The following SGMS2 variants were observed in gnomAD, a reference collection of about 807,000 sequenced individuals.
SGMS2 encodes phosphatidylcholine:ceramide cholinephosphotransferase 2.
In SGMS2, 21 loss-of-function variants were observed where a neutral mutation model predicts 43.8. That is an observed-to-expected ratio of 0.48 (90% CI 0.34 to 0.69). The LOEUF (loss-of-function observed/expected upper bound fraction) is 0.69, where lower values mean the gene tolerates loss of function less well. Ranked by LOEUF, SGMS2 falls within the 30% of genes least tolerant of loss-of-function variation. SGMS2 has a pLI of 0.01. For missense variants in SGMS2, 384 were observed against 443.2 expected (o/e 0.87, Z 1.20); for synonymous variants, 167 against 160.6 (o/e 1.04, Z -0.30).
intron 1 of SGMS2, among the ~76,000 whole-genome samples, chr4:107,847,567 T>C (rs1726903722): frequency 6.6e-6 from 1 of 152,144 alleles, no homozygotes; most frequent in African/African-American, 2.4e-5. Flanking sequence ...AGCTTTGTTC[T>C]TTTGGCTTAG....
At chr4:107,850,233 G>A (rs2126013396) in intron 1 of SGMS2, among the ~76,000 whole-genome samples, 1 of 152,248 alleles carries the variant, frequency 6.6e-6, no homozygotes. Context: ...GCAGATGCCA[G>A]CATCATGCTT....
chr4:107,838,026 T>C (rs1441915664), intron 1 of SGMS2, among the ~76,000 whole-genome samples: 1 of 151,680 alleles, frequency 6.6e-6, no homozygotes, highest in East Asian at 1.9e-4. Context: ...AGGGCCAGAG[T>C]TGTGTCAGTA....
chr4:107,826,278 T>C (rs548435416), intron 1 of SGMS2, among the ~76,000 whole-genome samples: 2 of 152,336 alleles, frequency 1.3e-5, no homozygotes, highest in South Asian at 4.1e-4. Context: ...GCTTAGGTAA[T>C]AACCAATTAA....
At chr4:107,906,364 TG>T (rs368785408) in intron 5 of SGMS2, among the ~76,000 whole-genome samples, 2 of 152,262 alleles carry the variant, frequency 1.3e-5, no homozygotes, top group African/African-American at 4.8e-5. Flanking sequence ...ATATTATAAT[TG>T]GGGGGTAGGT....
intron 1 of SGMS2, among the ~76,000 whole-genome samples, chr4:107,834,102 C>G (rs1726041487): frequency 6.6e-6 from 1 of 152,216 alleles, no homozygotes; most frequent in Non-Finnish European, 1.5e-5. Flanking sequence ...TTTTAAGCCT[C>G]TAACTTTGTG....
At chr4:107,894,141 G>C (rs966063542) in intron 2 of SGMS2, 6 of 152,116 alleles carry the variant, frequency 3.9e-5, no homozygotes, top group Admixed American at 6.6e-5. Context: ...AGGCTTAGCT[G>C]TCATCACTTT....
chr4:107,885,699 A>G (rs1729694030), intron 2 of SGMS2, among the ~76,000 whole-genome samples: 1 of 152,226 alleles, frequency 6.6e-6, no homozygotes, highest in Non-Finnish European at 1.5e-5. Context: ...ACTAAAAGGC[A>G]GAAAAGAATA....
intron 4 of SGMS2, among the ~76,000 whole-genome samples, chr4:107,902,417 C>T (rs1731201612): frequency 6.6e-6 from 1 of 152,080 alleles, no homozygotes; most frequent in South Asian, 2.1e-4. Context: ...CCCACCCTAT[C>T]TAGCCCCTCA....
At chr4:107,830,057 T>G (rs1725802508) in intron 1 of SGMS2, among the ~76,000 whole-genome samples, 1 of 152,196 alleles carries the variant, frequency 6.6e-6, no homozygotes, top group Non-Finnish European at 1.5e-5. Context: ...TAGGCCCCTG[T>G]GTCTGTGGTT....
In SGMS2 at chr4:107,912,870, C is replaced by T. The variant is rs1273808062; in HGVS notation, c.*2317C>T. The T allele has an allele frequency of 2.6e-5, 4 of 151,886 alleles. No individual in the cohort carries two copies. Among genetic ancestry groups the T allele is most frequent in the East Asian group, 1.9e-4 (1 of 5,184 alleles). 9.4% of individuals were successfully genotyped at this position (151,886 alleles called of 1,614,324 possible). On this transcript the variant is annotated 3_prime_UTR_variant, in exon 7 of 7. Transcript: ENST00000690982. ...CTGCCATGTCTTTACACGCATGTGTCGTATAGCTCTGTCATCGAGTTGAGG... is the reference window on the plus strand; with the variant it reads ...CTGCCATGTCTTTACACGCATGTGTTGTATAGCTCTGTCATCGAGTTGAGG...
intron 1 of SGMS2, among the ~76,000 whole-genome samples, chr4:107,827,051 A>G (rs564392054): frequency 2.0e-4 from 31 of 152,342 alleles, no homozygotes; most frequent in African/African-American, 7.2e-4. Context: ...TATAGGGGAA[A>G]AATAGAAATA....
At chr4:107,858,288 C>T (rs1727539041) in intron 1 of SGMS2, among the ~76,000 whole-genome samples, 184 bp from the exon 2 acceptor site, 1 of 152,122 alleles carries the variant, frequency 6.6e-6, no homozygotes, top group African/African-American at 2.4e-5. Flanking sequence ...CTTTTCTTGA[C>T]CTGAAGTGTC....
intron 2 of SGMS2, among the ~76,000 whole-genome samples, chr4:107,861,872 A>G (rs1044008095): frequency 1.3e-5 from 2 of 152,246 alleles, no homozygotes; most frequent in African/African-American, 2.4e-5. Flanking sequence ...GATGAAAGGA[A>G]GAAAAAATAA....
chr4:107,850,264 T>G (rs7673671), intron 1 of SGMS2, among the ~76,000 whole-genome samples: 8,503 of 152,226 alleles, frequency 0.056, 801 homozygotes, highest in African/African-American at 0.19. Flanking sequence ...CTGCAGAACT[T>G]CAATTAAACC....
Position 107,912,604 on chromosome 4 carries a change from A to C in SGMS2, c.*2051A>C, listed in dbSNP as rs1732194762. On this transcript the variant is annotated 3_prime_UTR_variant, in exon 7 of 7. Coordinates refer to ENST00000690982, the MANE Select transcript of SGMS2 (RefSeq NM_001375905.1). The stretch of plus-strand genomic sequence containing the variant: ...TCCTTGAGCCTCTAATTCAAATAAA[A>C]CAAACTGATACACCTTACAGCCTTA... 6.6e-6 allele frequency: 1 copy of C among 152,158 alleles called. No homozygotes were observed. The highest frequency in any genetic ancestry group is 1.5e-5 in the Non-Finnish European group (1 of 68,020). 9.4% of individuals were successfully genotyped at this position (152,158 alleles called of 1,614,324 possible). A position where few individuals can be genotyped will look rare whatever the true frequency, so the allele number is the denominator to read the frequency against.
chr4:107,846,411 T>G (rs1365528487), intron 1 of SGMS2, among the ~76,000 whole-genome samples: 1 of 151,424 alleles, frequency 6.6e-6, no homozygotes, highest in Non-Finnish European at 1.5e-5. Flanking sequence ...TGATTTCCAA[T>G]TTTATCCATG....
At chr4:107,849,878 A>C (rs1487208383) in intron 1 of SGMS2, among the ~76,000 whole-genome samples, 1 of 152,162 alleles carries the variant, frequency 6.6e-6, no homozygotes, top group Non-Finnish European at 1.5e-5. Context: ...TGAAAAACAA[A>C]GTGAAAAATG....
At chr4:107,904,607 C>A (rs1731394775) in intron 5 of SGMS2, among the ~76,000 whole-genome samples, 1 of 152,122 alleles carries the variant, frequency 6.6e-6, no homozygotes. Flanking sequence ...TACAGACCTG[C>A]AGTAGGGAGA....
Position 107,912,063 on chromosome 4 carries a change from C to T in SGMS2, c.*1510C>T, listed in dbSNP as rs551233564. ...TTTTTCTTTCATTTAGAATGGAAAA[C>T]ATCCCCAAATGTATCATTATAAACT... On this transcript the variant is annotated 3_prime_UTR_variant, in exon 7 of 7. Coordinates refer to ENST00000690982, the MANE Select transcript of SGMS2 (RefSeq NM_001375905.1). 10 of 152,210 alleles carry T rather than the reference C, an allele frequency of 6.6e-5. No individual in the cohort carries two copies. The highest frequency in any genetic ancestry group is 4.1e-4 in the South Asian group (2 of 4,828). 9.4% of individuals were successfully genotyped at this position (152,210 alleles called of 1,614,324 possible).
Sources: allele counts gnomAD v4.1 joint callset (sites outside exome capture counted in the v4.1 genomes callset), GRCh38; gene constraint gnomAD v4.1.1; transcripts MANE v1.5; gene names NCBI Gene and HGNC (gene_info 2026-07-23, HGNC 2026-07-21).